Variants in WDPCP observed in about 807,000 individuals in gnomAD.
WDPCP encodes WD repeat containing planar cell polarity effector.
Under a neutral mutation model 93.1 loss-of-function variants are expected in WDPCP, and 71 were observed. The observed-to-expected ratio is 0.76, with a 90% CI of 0.63 to 0.93. The LOEUF is 0.93. Ranked by LOEUF, WDPCP falls within the 40% of genes least tolerant of loss-of-function variation. WDPCP has a pLI of 0.00. For synonymous variants in WDPCP, 315 were observed against 315.0 expected (o/e 1.00, Z 0.00); for missense variants, 844 against 887.4 (o/e 0.95, Z 0.62).
At chr2:63,316,183 G>C (rs768489824) in intron 12 of WDPCP, among the ~76,000 whole-genome samples, 11 of 152,134 alleles carry the variant, frequency 7.2e-5, no homozygotes, top group Non-Finnish European at 1.0e-4. Flanking sequence ...GAGAGGCTGA[G>C]CAAATTACAG....
intron 17 of WDPCP, among the ~76,000 whole-genome samples, chr2:63,145,203 G>A (rs1217935471): frequency 1.3e-5 from 2 of 152,096 alleles, no homozygotes; most frequent in African/African-American, 2.4e-5. Context: ...TGGCTTTGGT[G>A]GTTTAATGCT....
chr2:63,574,924 G>A (rs1224743034), intron 1 of WDPCP, among the ~76,000 whole-genome samples: 2 of 151,978 alleles, frequency 1.3e-5, no homozygotes, highest in East Asian at 3.9e-4. Flanking sequence ...TTCAATACGT[G>A]GTACTTCAAC....
chr2:63,167,644 T>C (rs1673081881), intron 15 of WDPCP, among the ~76,000 whole-genome samples: 1 of 152,226 alleles, frequency 6.6e-6, no homozygotes, highest in Non-Finnish European at 1.5e-5. Context: ...TGAAATTTAA[T>C]GATATATTTT....
At chr2:63,486,103 G>A (rs767286043) in intron 4 of WDPCP, among the ~76,000 whole-genome samples, 6 of 151,376 alleles carry the variant, frequency 4.0e-5, no homozygotes, top group Admixed American at 6.6e-5. Flanking sequence ...TTACATTGTC[G>A]CCATAATATA....
rs551736017 is a variant in WDPCP at position 63,802,902 on chromosome 2, A to G, written n.308+10720T>C. On this transcript the variant is annotated intron_variant and non_coding_transcript_variant, in intron 2 of 4. Transcript: ENST00000467687. ...CACATATAGCTTGGGGCATTACTCA[A>G]ACTCTACCCATCTGAAACACTGCAC... 2.0e-5 allele frequency among the ~76,000 whole-genome samples: 3 copies of G among 152,316 alleles called. No homozygotes were observed. In the South Asian group the frequency reaches 6.2e-4, roughly 32 times the overall value.
chr2:63,166,307 C>T (rs1672971953), intron 15 of WDPCP, among the ~76,000 whole-genome samples: 1 of 152,016 alleles, frequency 6.6e-6, no homozygotes, highest in African/African-American at 2.4e-5. Flanking sequence ...CCTCGTGATT[C>T]GCCTGCCTTG....
At chr2:63,485,594 A>G (rs1700527069) in intron 4 of WDPCP, among the ~76,000 whole-genome samples, 1 of 151,926 alleles carries the variant, frequency 6.6e-6, no homozygotes, top group African/African-American at 2.4e-5. Context: ...ACAATTGAAT[A>G]ATGATAAGCC....
intron 1 of WDPCP, among the ~76,000 whole-genome samples, chr2:63,509,607 C>T (rs1255552126): frequency 6.6e-6 from 1 of 151,886 alleles, no homozygotes; most frequent in Non-Finnish European, 1.5e-5. Context: ...GATAGAGACA[C>T]AAAAAACCCT....
intron 2 of WDPCP, among the ~76,000 whole-genome samples, chr2:63,698,475 G>A (rs17554748): frequency 0.029 from 4,451 of 152,242 alleles, 91 homozygotes; most frequent in South Asian, 0.089. Flanking sequence ...GCACCAAGCA[G>A]ATGTTAGAAT....
chr2:63,528,590 A>G (rs993048690), intron 1 of WDPCP, among the ~76,000 whole-genome samples: 23 of 152,180 alleles, frequency 1.5e-4, no homozygotes, highest in African/African-American at 4.6e-4. Context: ...CTGTTTTGGT[A>G]CCAGTACCAT....
chr2:63,537,029 T>A (rs1704338746), intron 1 of WDPCP, among the ~76,000 whole-genome samples: 2 of 152,044 alleles, frequency 1.3e-5, no homozygotes, highest in South Asian at 4.1e-4. Context: ...CAGCCTCCCA[T>A]AGTACTGGAA....
At chr2:63,219,831 A>C (rs1320361873) in intron 14 of WDPCP, among the ~76,000 whole-genome samples, 1 of 151,866 alleles carries the variant, frequency 6.6e-6, no homozygotes, top group East Asian at 1.9e-4. Context: ...GGTGAAACCC[A>C]ATCTCTACTG....
At chr2:63,837,826 C>T in the WDPCP span, among the ~76,000 whole-genome samples, 59 of 152,172 alleles carry the variant, frequency 3.9e-4, no homozygotes, top group African/African-American at 1.2e-3. Context: ...AGAGTAGGGG[C>T]GGGCCTGTGG....
At chr2:63,272,019 C>G (rs1682700882) in intron 13 of WDPCP, among the ~76,000 whole-genome samples, 1 of 152,174 alleles carries the variant, frequency 6.6e-6, no homozygotes, top group South Asian at 2.1e-4. Flanking sequence ...CCTGAACAAG[C>G]AACCTGGAGG....
intron 14 of WDPCP, among the ~76,000 whole-genome samples, chr2:63,175,250 A>G (rs1673719652): frequency 6.6e-6 from 1 of 152,196 alleles, no homozygotes; most frequent in African/African-American, 2.4e-5. Flanking sequence ...TTCAATTAGC[A>G]TTTTAAACTT....
At chr2:63,493,079 C>G in intron 1 of WDPCP, 139 bp from the exon 2 acceptor site, 1 of 702,430 alleles carries the variant, frequency 1.4e-6, no homozygotes, top group Non-Finnish European at 2.4e-6. Flanking sequence ...TAAACATACT[C>G]TAGTGTATCC....
At chr2:63,411,977 T>C (rs1695054641) in intron 9 of WDPCP, among the ~76,000 whole-genome samples, 1 of 152,136 alleles carries the variant, frequency 6.6e-6, no homozygotes, top group Non-Finnish European at 1.5e-5. Context: ...CCAATCCTTT[T>C]GATACTACTC....
intron 2 of WDPCP, among the ~76,000 whole-genome samples, chr2:63,749,845 C>G (rs947840502): frequency 6.6e-6 from 1 of 152,114 alleles, no homozygotes; most frequent in Non-Finnish European, 1.5e-5. Context: ...TATTCTTCCA[C>G]ATGATGTGAA....
intron 17 of WDPCP, among the ~76,000 whole-genome samples, chr2:63,138,454 C>CTT (rs770979974): frequency 7.5e-5 from 10 of 133,716 alleles, no homozygotes; most frequent in African/African-American, 1.4e-4. Flanking sequence ...TGAGTAAGTT[C>CTT]TTTTTTTTTT....
Sources: allele counts gnomAD v4.1 joint callset (sites outside exome capture counted in the v4.1 genomes callset), GRCh38; gene constraint gnomAD v4.1.1; transcripts MANE v1.5; gene names NCBI Gene and HGNC (gene_info 2026-07-23, HGNC 2026-07-21).